PPP1R9A: variants seen among roughly 807,000 people sequenced by gnomAD.
PPP1R9A encodes the protein protein phosphatase 1 regulatory subunit 9A, also known as neurabin-1.
In PPP1R9A, 59 loss-of-function variants were observed where a neutral mutation model predicts 141.9. That is an observed-to-expected ratio of 0.42 (90% CI 0.34 to 0.52). The LOEUF (loss-of-function observed/expected upper bound fraction) is 0.52, where lower values mean the gene tolerates loss of function less well. PPP1R9A is among the 20% of genes least tolerant of loss of function. The pLI is 0.10. For missense variants in PPP1R9A, 1,444 were observed against 1,611.9 expected, an observed-to-expected ratio of 0.90 and a Z score of 1.78; for synonymous variants, 500 against 569.7, an observed-to-expected ratio of 0.88 and a Z score of 1.74.
rs1016781530 is a variant in PPP1R9A, at chr7:95,021,045, G to A, written c.1396-90214G>A. On this transcript the variant is annotated intron_variant, in intron 2 of 19. Transcript: ENST00000433360. ...TCTAGTTCTAGATCCTTGAGGAATCGCCGCACTGTCTTCCACAATGGTTGA... is the reference window on the plus strand; with the variant it reads ...TCTAGTTCTAGATCCTTGAGGAATCACCGCACTGTCTTCCACAATGGTTGA... Among the ~76,000 whole-genome samples, 47 of 152,216 alleles carry A rather than the reference G, an allele frequency of 3.1e-4. 1 individual carries two copies. The highest frequency in any genetic ancestry group is 3.4e-3 in the Middle Eastern group (1 of 294).
chr7:95,207,716 A>T (rs929127962), intron 7 of PPP1R9A, among the ~76,000 whole-genome samples: 16 of 152,154 alleles, frequency 1.1e-4, no homozygotes, highest in Admixed American at 3.3e-4. Context: ...TTGTCTATTT[A>T]AAAAATCTCA....
intron 5 of PPP1R9A, among the ~76,000 whole-genome samples, chr7:95,185,120 A>G (rs948059749): frequency 1.2e-4 from 18 of 150,650 alleles, no homozygotes; most frequent in African/African-American, 3.9e-4. Context: ...ACTGTTTTCC[A>G]TTGTGGTTAT....
At chr7:94,930,702 A>G (rs988258604) in intron 2 of PPP1R9A, among the ~76,000 whole-genome samples, 1 of 152,194 alleles carries the variant, frequency 6.6e-6, no homozygotes, top group Admixed American at 6.6e-5. Context: ...AGGAAAGCCA[A>G]TGGTATATGT....
At chr7:95,056,040 T>C (rs941215644) in intron 2 of PPP1R9A, among the ~76,000 whole-genome samples, 1 of 152,274 alleles carries the variant, frequency 6.6e-6, no homozygotes, top group Admixed American at 6.5e-5. Flanking sequence ...TTATAAAAAT[T>C]TCAAAAGCTT....
chr7:95,013,708 G>A (rs551593803), intron 2 of PPP1R9A, among the ~76,000 whole-genome samples: 2 of 152,074 alleles, frequency 1.3e-5, no homozygotes, highest in Non-Finnish European at 2.9e-5. Flanking sequence ...AAATTATTTA[G>A]TTTGGTTTGC....
chr7:94,946,323 GC>G (rs1458007422), intron 2 of PPP1R9A, among the ~76,000 whole-genome samples: 2 of 152,018 alleles, frequency 1.3e-5, no homozygotes, highest in Admixed American at 6.6e-5. Context: ...ATTAGGACTT[GC>G]CTTTTTTGAA....
chr7:95,120,732 A>C lies in PPP1R9A; in HGVS notation c.1549A>C (p.Ser517Arg). ...LEKDEDGLGI[S>R]IIGMGVGADA... is the part of the protein sequence containing the mutation. ...AATAGATGAGGATGGTCTTGGTATA[A>C]GTATTATTGGAATGGGTGTTGGAGC... Residue 517 changes from serine to arginine, a missense_variant, in exon 4 of 20, where the codon AGT (serine) becomes CGT (arginine). Ser to Arg is a moderately radical substitution (Grantham distance 110). Transcript: ENST00000433360. 1 of 1,613,726 alleles carries C rather than the reference A, an allele frequency of 6.2e-7. No individual in the cohort carries two copies. Among genetic ancestry groups the C allele is most frequent in the Non-Finnish European group, 8.5e-7 (1 of 1,179,824 alleles).
At position 95,112,978 on chromosome 7, in the gene PPP1R9A, G is replaced by A. The variant is rs577584871; in HGVS notation, c.1528+1587G>A. On this transcript the variant is annotated intron_variant, in intron 3 of 19. Transcript: ENST00000433360. ...TGACAAATAACCACTTGCGCACAAT[G>A]CGAACTATTCAGGTAAAGGTTACAC... Among the ~76,000 whole-genome samples, 393 of 152,188 alleles carry A rather than the reference G, an allele frequency of 2.6e-3. 1 individual carries two copies. The highest frequency in any genetic ancestry group is 3.6e-3 in the Non-Finnish European group (245 of 68,010).
Position 95,247,542 on chromosome 7 carries a change from T to C in PPP1R9A, c.2166+16T>C, listed in dbSNP as rs764647753. On this transcript the variant is annotated intron_variant, in intron 9 of 19. Transcript: ENST00000433360. Reference sequence around the variant, plus strand: ...GAAGACCAAGGTAAGCACCGAAACATGGTGTTTGAATTTTACTTTTTAAAC... The same window carrying C: ...GAAGACCAAGGTAAGCACCGAAACACGGTGTTTGAATTTTACTTTTTAAAC... The C allele has an allele frequency of 8.8e-6, 14 of 1,591,994 alleles. No homozygotes were observed. The East Asian group carries it at 1.6e-4, about 18-fold the overall frequency.
chr7:95,275,063 T>C (rs1802908788), intron 16 of PPP1R9A, among the ~76,000 whole-genome samples: 1 of 152,218 alleles, frequency 6.6e-6, no homozygotes, highest in Admixed American at 6.5e-5. Flanking sequence ...TTATTATTAT[T>C]TGCAAGTTAC....
At chr7:95,081,263 C>G (rs1486745133) in intron 2 of PPP1R9A, among the ~76,000 whole-genome samples, 1 of 152,040 alleles carries the variant, frequency 6.6e-6, no homozygotes, top group Non-Finnish European at 1.5e-5. Context: ...TGCAAAGAGG[C>G]AGGGACTTTA....
At chr7:95,205,700 C>T (rs1790640276) in intron 7 of PPP1R9A, among the ~76,000 whole-genome samples, 1 of 152,130 alleles carries the variant, frequency 6.6e-6, no homozygotes, top group Admixed American at 6.6e-5. Flanking sequence ...TCCTGTGCAC[C>T]TTTCAGGGTT....
chr7:94,984,336 T>C (rs1101707), intron 2 of PPP1R9A, among the ~76,000 whole-genome samples: 100,676 of 151,990 alleles, frequency 0.66, 34,366 homozygotes, highest in African/African-American at 0.82. Context: ...CAGGGTGATG[T>C]TTGCCTCATA....
chr7:95,008,331 C>A (rs1803913685), intron 2 of PPP1R9A, among the ~76,000 whole-genome samples: 1 of 152,082 alleles, frequency 6.6e-6, no homozygotes, highest in Non-Finnish European at 1.5e-5. Context: ...CTACAATCGG[C>A]ATACAGATAT....
chr7:95,055,806 C>CT (rs1811423437), intron 2 of PPP1R9A, among the ~76,000 whole-genome samples: 1 of 152,094 alleles, frequency 6.6e-6, no homozygotes, highest in South Asian at 2.1e-4. Context: ...ACAATACACT[C>CT]TAAGTTTGAC....
chr7:95,091,452 C>T (rs1204023657), intron 2 of PPP1R9A, among the ~76,000 whole-genome samples: 3 of 148,704 alleles, frequency 2.0e-5, no homozygotes, highest in Non-Finnish European at 4.4e-5. Context: ...CAAGTGATTC[C>T]TCTGCCTCAG....
At chr7:95,179,676 C>G (rs1312958141) in intron 5 of PPP1R9A, among the ~76,000 whole-genome samples, 1 of 150,056 alleles carries the variant, frequency 6.7e-6, no homozygotes, top group Non-Finnish European at 1.5e-5. Flanking sequence ...AGCAAAGTTT[C>G]TGGATACAAA....
chr7:95,145,389 G>A (rs913246378), intron 4 of PPP1R9A, among the ~76,000 whole-genome samples: 41 of 152,132 alleles, frequency 2.7e-4, no homozygotes, highest in African/African-American at 9.7e-4. Context: ...GAATGAGCAT[G>A]GGAAACCAGC....
intron 2 of PPP1R9A, among the ~76,000 whole-genome samples, chr7:94,979,971 A>G (rs1799891730): frequency 6.6e-6 from 1 of 152,100 alleles, no homozygotes; most frequent in African/African-American, 2.4e-5. Flanking sequence ...TTAAGTCAGA[A>G]AATTCATAAT....
Sources: allele counts gnomAD v4.1 joint callset (sites outside exome capture counted in the v4.1 genomes callset), GRCh38; gene constraint gnomAD v4.1.1; transcripts MANE v1.5; gene names NCBI Gene and HGNC (gene_info 2026-07-23, HGNC 2026-07-21).